The following BEND4 variants were observed in gnomAD, a reference collection of about 807,000 sequenced individuals.
The protein encoded by BEND4 is BEN domain-containing protein 4.
Under a neutral mutation model 54.7 loss-of-function variants are expected in BEND4, and 27 were observed. The observed-to-expected ratio is 0.49, with a 90% confidence interval of 0.36 to 0.68. The LOEUF (loss-of-function observed/expected upper bound fraction) is 0.68, where lower values mean the gene tolerates loss of function less well. BEND4 is among the 30% of genes least tolerant of loss of function. The probability of loss-of-function intolerance (pLI) is 0.00; values close to 1 mark genes in which losing one functional copy is unlikely to be tolerated. For synonymous variants in BEND4, 327 were observed against 299.5 expected (o/e 1.09, Z -0.95); for missense variants, 702 against 697.2 (o/e 1.01, Z -0.08).
In BEND4 at chr4:42,112,375, G is replaced by C. The variant is rs1175810732; in HGVS notation, c.*5143C>G. ...AACTATAGTTACTACTGTTGTTGCA[G>C]TTAAGTGGTTCTGAACGGGCCCAAA... On this transcript the variant is annotated 3_prime_UTR_variant, in exon 6 of 6. Coordinates refer to ENST00000502486, the MANE Select transcript of BEND4 (RefSeq NM_207406.4). The C allele has an allele frequency of 6.6e-6, 1 of 152,210 alleles. No individual in the cohort carries two copies. Among genetic ancestry groups the C allele is most frequent in the African/African-American group, 2.4e-5 (1 of 41,446 alleles). The allele number at this position is 152,210 out of a possible 1,614,324, so 9.4% of individuals were successfully genotyped here. A position where few individuals can be genotyped will look rare whatever the true frequency, so the allele number is the denominator to read the frequency against.
intron 4 of BEND4, 36 bp downstream of exon 4, chr4:42,125,547 C>A: frequency 6.7e-7 from 1 of 1,488,434 alleles, no homozygotes; most frequent in Non-Finnish European, 9.4e-7. Flanking sequence ...TAAGAGAATT[C>A]CAAATGGAAC....
Position 42,143,453 on chromosome 4 carries a change from G to A in BEND4, c.1029C>T (p.Leu343=). Reference sequence around the variant, plus strand: ...CTGGGATGCTCTCTAATTTCCTTCTGAGCTCTTCATTTTCTTGTTGCAGTG... The same window carrying A: ...CTGGGATGCTCTCTAATTTCCTTCTAAGCTCTTCATTTTCTTGTTGCAGTG... ...VISLQQENEE[L]RRKLESIPVP... Residue 343 remains leucine (L), a synonymous_variant, in exon 3 of 6, where the codon CTC becomes CTT. Coordinates refer to ENST00000502486, the MANE Select transcript of BEND4 (RefSeq NM_207406.4). 6.4e-7 allele frequency: 1 copy of A among 1,552,042 alleles called. No homozygotes were observed. Among genetic ancestry groups the A allele is most frequent in the Non-Finnish European group, 8.7e-7 (1 of 1,147,068 alleles).
chr4:42,139,140 A>G (rs933892515), intron 3 of BEND4, among the ~76,000 whole-genome samples: 2 of 152,178 alleles, frequency 1.3e-5, no homozygotes, highest in African/African-American at 4.8e-5. Flanking sequence ...TCCTGATCCA[A>G]AAGTCTTCTG....
At chr4:42,128,356 G>A (rs183567390) in intron 3 of BEND4, among the ~76,000 whole-genome samples, 109 of 152,338 alleles carry the variant, frequency 7.2e-4, no homozygotes, top group African/African-American at 2.5e-3. Context: ...AGGCACAGTG[G>A]CTCACGCCTG....
At chr4:42,120,416 G>A (rs1720012263) in intron 4 of BEND4, 122 bp from the exon 5 acceptor site, 2 of 1,213,012 alleles carry the variant, frequency 1.6e-6, no homozygotes, top group African/African-American at 1.5e-5. Flanking sequence ...AATGAACCAG[G>A]TATTGAAGTG....
At chr4:42,139,774 C>G (rs1720822445) in intron 3 of BEND4, among the ~76,000 whole-genome samples, 2 of 152,114 alleles carry the variant, frequency 1.3e-5, no homozygotes, top group South Asian at 4.1e-4. Context: ...AAAAAAGTGA[C>G]TCCCACAACA....
intron 2 of BEND4, among the ~76,000 whole-genome samples, chr4:42,145,310 G>T (rs1392810761): frequency 6.6e-6 from 1 of 152,132 alleles, no homozygotes; most frequent in East Asian, 1.9e-4. Context: ...GTTCCACTGT[G>T]TTCTTTTTTC....
At chr4:42,122,277 C>A (rs969163008) in intron 4 of BEND4, among the ~76,000 whole-genome samples, 2 of 152,132 alleles carry the variant, frequency 1.3e-5, no homozygotes, top group African/African-American at 4.8e-5. Context: ...AAACTTTGCT[C>A]CTTTGTGTTA....
intron 3 of BEND4, among the ~76,000 whole-genome samples, chr4:42,135,432 G>A (rs1216411443): frequency 6.6e-6 from 1 of 152,154 alleles, no homozygotes; most frequent in Admixed American, 6.5e-5. Context: ...TGGAAGATCA[G>A]TAGGTATCCC....
intron 3 of BEND4, 97 bp from the exon 4 acceptor site, chr4:42,125,771 T>A: frequency 1.4e-6 from 1 of 739,644 alleles, no homozygotes; most frequent in Non-Finnish European, 2.2e-6. Flanking sequence ...ACAGAGGTCT[T>A]ACTGGCACCC....
Position 42,143,510 on chromosome 4 carries a change from AG to A in BEND4, c.971del (p.Pro324LeufsTer24). The A allele has an allele frequency of 6.4e-7, 1 of 1,552,894 alleles. No individual in the cohort carries two copies. The highest frequency in any genetic ancestry group is 8.7e-7 in the Non-Finnish European group (1 of 1,147,494). On this transcript the variant is annotated frameshift_variant, in exon 3 of 6. Transcript: ENST00000502486. LOFTEE classifies it high-confidence loss of function. ...CCTCCTGCTCCAGCTCTTGGCATCG[AG>A]GACAATAGCCTTCCTCGTCCTCCTC... ...EEEEDEEGYC[P>X]RCQELEQEVI...
rs1215509762 is a variant in BEND4, at chr4:42,143,734, T to C, written c.748A>G (p.Thr250Ala). The C allele has an allele frequency of 6.2e-7, 1 of 1,614,042 alleles. No homozygotes were observed. Among genetic ancestry groups the C allele is most frequent in the South Asian group, 1.1e-5 (1 of 91,084 alleles). The part of the protein sequence containing the change: ...QQTSAFLRVF[T>A]DSLQNYLLSG... ...AGCAGGTAATTTTGTAGAGAGTCAG[T>C]GAAAACCCTCAAAAAGGCAGAAGTT... is the stretch of plus-strand genomic sequence containing the variant. The change falls in exon 3 of 6, where the codon ACT becomes GCT. Residue 250 changes from threonine (T) to alanine (A), a missense_variant. Thr to Ala is a moderately conservative substitution (Grantham distance 58). Transcript: ENST00000502486.
At chr4:42,131,458 G>T (rs1050046533) in intron 3 of BEND4, among the ~76,000 whole-genome samples, 2 of 152,136 alleles carry the variant, frequency 1.3e-5, no homozygotes, top group Non-Finnish European at 2.9e-5. Context: ...TTTACAGTGG[G>T]TATAATAGTT....
At chr4:42,147,099 G>GT (rs780439619) in intron 2 of BEND4, among the ~76,000 whole-genome samples, 3 of 152,264 alleles carry the variant, frequency 2.0e-5, no homozygotes, top group African/African-American at 7.2e-5. Context: ...CTTGCCTGCA[G>GT]TTTTTTAAAT....
intron 4 of BEND4, among the ~76,000 whole-genome samples, chr4:42,123,787 GAA>G (rs1242422177): frequency 6.6e-6 from 1 of 151,586 alleles, no homozygotes; most frequent in Non-Finnish European, 1.5e-5. Flanking sequence ...GTCAACCTAG[GAA>G]AAGAGAGGCA....
In BEND4 at chr4:42,143,941, G is replaced by T; in HGVS notation, c.541C>A (p.Leu181Ile). 1.9e-6 allele frequency: 3 copies of T among 1,540,506 alleles called. No individual in the cohort carries two copies. Among genetic ancestry groups the T allele is most frequent in the Non-Finnish European group, 8.7e-7 (1 of 1,148,268 alleles). ...FAQQCSRVLS[L>I]LNCGGKLLDS... The stretch of plus-strand genomic sequence containing the variant: ...AGGAGTTTTCCTCCACAATTTAAGA[G>T]GCTAAGAACTCGACTGCACTGCTGG... The change falls in exon 3 of 6, where the codon CTC becomes ATC. Residue 181 changes from leucine (L) to isoleucine (I), a missense_variant. Transcript: ENST00000502486.
Position 42,125,632 on chromosome 4 carries a change from T to G in BEND4, c.1097A>C (p.Gln366Pro). 1 of 1,613,672 alleles carries G rather than the reference T, an allele frequency of 6.2e-7. No individual in the cohort carries two copies. Among genetic ancestry groups the G allele is most frequent in the East Asian group, 2.2e-5 (1 of 44,882 alleles). The change falls in exon 4 of 6, where the codon CAG (glutamine) becomes CCG (proline). Residue 366 changes from glutamine (Q) to proline (P), a missense_variant. Physicochemically the swap from Gln to Pro is moderately conservative, Grantham distance 76. Transcript: ENST00000502486. Reference sequence around the variant, plus strand: ...TGGTATCAGGAGTTGGTTGTGGTGCTGCAGAACCATCTTCAAGTAATCTAA... The same window carrying G: ...TGGTATCAGGAGTTGGTTGTGGTGCGGCAGAACCATCTTCAAGTAATCTAA... ...TVLDYLKMVL[Q>P]HHNQLLIPQP...
chr4:42,122,565 C>T (rs1047819342), intron 4 of BEND4, among the ~76,000 whole-genome samples: 5 of 152,088 alleles, frequency 3.3e-5, no homozygotes, highest in African/African-American at 4.8e-5. Flanking sequence ...AATATAAATT[C>T]GCAAAGTTAA....
intron 2 of BEND4, among the ~76,000 whole-genome samples, chr4:42,146,235 C>G (rs1372153914): frequency 3.3e-5 from 5 of 152,144 alleles, no homozygotes; most frequent in Non-Finnish European, 5.9e-5. Context: ...GGTGTCAGAT[C>G]CTGGAAGTGT....
Sources: gnomAD v4.1 joint callset for allele counts (sites outside exome capture counted in the v4.1 genomes callset) on GRCh38, gnomAD v4.1.1 for gene constraint, MANE v1.5 for transcripts, NCBI Gene and HGNC (gene_info 2026-07-23, HGNC 2026-07-21) for gene names.